The following MYO10 variants were observed in gnomAD, a reference collection of about 807,000 sequenced individuals.
MYO10 encodes the protein unconventional myosin-X.
MYO10 carries 133 observed loss-of-function variants against 257.3 expected under a neutral mutation model. The ratio of observed to expected loss-of-function variants is 0.52; its 90% CI spans 0.45 to 0.60. The LOEUF is 0.60. MYO10 is among the 20% of genes least tolerant of loss of function. The pLI is 0.00. For synonymous variants in MYO10, 1,104 were observed against 1,028.6 expected (o/e 1.07, Z -1.40); for missense variants, 2,399 against 2,635.7 (o/e 0.91, Z 1.97).
chr5:16,893,196 C>CAAACAAA (rs538239809), intron 1 of MYO10, among the ~76,000 whole-genome samples: 2 of 69,614 alleles, frequency 2.9e-5, no homozygotes, highest in Non-Finnish European at 5.3e-5. Context: ...GACTCTGTCT[C>CAAACAAA]AAAAAAAAAA....
intron 1 of MYO10, among the ~76,000 whole-genome samples, chr5:16,920,382 C>T (rs1025677511): frequency 3.9e-5 from 6 of 152,136 alleles, no homozygotes; most frequent in African/African-American, 9.7e-5. Flanking sequence ...CATGGATGGG[C>T]GGCAAAGGCA....
rs942147332 is a variant in MYO10 at position 16,728,837 on chromosome 5, A to G, written c.1930-17592T>C. ...CTGGGACGGCTGCCTGTCCATGGCA[A>G]GATGGCCACCAAAGGTGAGAATAAG... On this transcript the variant is annotated intron_variant, in intron 19 of 40. Coordinates refer to ENST00000513610, the MANE Select transcript of MYO10 (RefSeq NM_012334.3). Among the ~76,000 whole-genome samples, 5 of 152,244 alleles carry G rather than the reference A, an allele frequency of 3.3e-5. 1 individual carries two copies. Among genetic ancestry groups the G allele is most frequent in the African/African-American group, 1.2e-4 (5 of 41,460 alleles).
rs752950687 is a variant in MYO10 at position 16,683,954 on chromosome 5, TAAAC to T, written c.3991-23_3991-20del. ...AGGTGCCCTGGAAAAGAACAAAAAG[TAAAC>T]AGAATGAGAGAAGCACTAAAGTAGG... is the stretch of plus-strand genomic sequence containing the variant. On this transcript the variant is annotated intron_variant, in intron 29 of 40. Transcript: ENST00000513610. 3 of 1,611,344 alleles carry T rather than the reference TAAAC, an allele frequency of 1.9e-6. No homozygotes were observed. Among genetic ancestry groups the T allele is most frequent in the Non-Finnish European group, 2.5e-6 (3 of 1,178,570 alleles).
chr5:16,838,675 T>G (rs2126724814), intron 2 of MYO10, among the ~76,000 whole-genome samples: 1 of 152,296 alleles, frequency 6.6e-6, no homozygotes, highest in South Asian at 2.1e-4. Context: ...CAAAACAGCC[T>G]CCTACTAGAA....
intron 19 of MYO10, among the ~76,000 whole-genome samples, chr5:16,745,602 T>G (rs7712637): frequency 6.6e-6 from 1 of 151,836 alleles, no homozygotes; most frequent in Admixed American, 6.6e-5. Context: ...GGCAGGAGAT[T>G]GCTTGAGCCC....
At chr5:16,700,742 C>T (rs1738008069) in intron 25 of MYO10, among the ~76,000 whole-genome samples, 2 of 152,182 alleles carry the variant, frequency 1.3e-5, no homozygotes, top group Non-Finnish European at 2.9e-5. Context: ...CACAGCTCAG[C>T]TCTAGGCTTT....
chr5:16,829,905 ACACG>A (rs1743114963), intron 2 of MYO10, among the ~76,000 whole-genome samples: 1 of 150,446 alleles, frequency 6.6e-6, no homozygotes, highest in African/African-American at 2.5e-5. Flanking sequence ...ACACACACGC[ACACG>A]CACACGCACA....
chr5:16,702,586 T>G lies in MYO10; in HGVS notation c.2513A>C (p.Glu838Ala), dbSNP rs1738134324. 1 of 1,579,230 alleles carries G rather than the reference T, an allele frequency of 6.3e-7. No individual in the cohort carries two copies. Among genetic ancestry groups the G allele is most frequent in the Admixed American group, 1.8e-5 (1 of 54,574 alleles). ...EKKKREEEER[E>A]RERERREAEL... ...GGCTTCTCTTCGCTCTCTCTCTCTTTCTCTAAAAATAGTAAAGGAAAAGTG... is the reference window on the plus strand; with the variant it reads ...GGCTTCTCTTCGCTCTCTCTCTCTTGCTCTAAAAATAGTAAAGGAAAAGTG... Residue 838 changes from glutamate to alanine, a missense_variant and splice_region_variant, in exon 24 of 41, where the codon GAA becomes GCA. Physicochemically the swap from Glu to Ala is moderately radical, Grantham distance 107 (BLOSUM62 -1). This residue lies in a region of MYO10 where 1,820 missense variants were observed against 1,939.4 expected (regional missense o/e 0.94). Transcript: ENST00000513610.
Position 16,761,455 on chromosome 5 carries a change from C to T in MYO10, c.1739+9G>A. The T allele has an allele frequency of 1.2e-6, 2 of 1,603,480 alleles. No individual in the cohort carries two copies. Among genetic ancestry groups the T allele is most frequent in the Non-Finnish European group, 1.7e-6 (2 of 1,171,192 alleles). The stretch of plus-strand genomic sequence containing the variant: ...TGCTAAGTACTTCTCGGTGAGAAGA[C>T]TGACATACCGGCTTTCTCTTAGCAA... On this transcript the variant is annotated intron_variant, in intron 17 of 40. Transcript: ENST00000513610.
At chr5:16,903,171 C>T (rs1236115521) in intron 1 of MYO10, among the ~76,000 whole-genome samples, 1 of 152,200 alleles carries the variant, frequency 6.6e-6, no homozygotes, top group Non-Finnish European at 1.5e-5. Context: ...ACTTGGGAGG[C>T]CAAGGCGGGC....
intron 19 of MYO10, chr5:16,742,323 C>G: frequency 1.2e-6 from 1 of 822,058 alleles, no homozygotes; most frequent in Non-Finnish European, 1.5e-6. Context: ...TGGAAGTGAC[C>G]ACTGAGGGCT....
intron 1 of MYO10, among the ~76,000 whole-genome samples, chr5:16,905,678 T>C (rs996120527): frequency 2.0e-5 from 3 of 152,180 alleles, no homozygotes; most frequent in African/African-American, 7.2e-5. Flanking sequence ...TCCAAATACA[T>C]GTTGTGGCTC....
chr5:16,839,881 T>A (rs1435911676), intron 2 of MYO10, among the ~76,000 whole-genome samples: 1 of 152,222 alleles, frequency 6.6e-6, no homozygotes, highest in African/African-American at 2.4e-5. Context: ...GTGGATTAAA[T>A]GCATCTTTGA....
In MYO10 at chr5:16,748,466, A is replaced by T. The variant is rs1053473576; in HGVS notation, c.1929+6362T>A. Among the ~76,000 whole-genome samples the T allele has an allele frequency of 2.6e-5, 4 of 151,774 alleles. No homozygotes were observed. The East Asian group carries it at 7.8e-4, about 30-fold the overall frequency. ...CACCACGTTGGCCAGGCTGGTCTCG[A>T]ACTCCTGGCCTCAAGTGATCCGCGC... On this transcript the variant is annotated intron_variant, in intron 19 of 40. Transcript: ENST00000513610.
In MYO10 at chr5:16,762,616, T is replaced by C. The variant is rs370187854; in HGVS notation, c.1516A>G (p.Ile506Val). Residue 506 changes from isoleucine to valine, a missense_variant, in exon 15 of 41, where the codon ATC (isoleucine) becomes GTC (valine). Transcript: ENST00000513610. ...TGAGGAAAATGGCTTTCTTCATTGA[T>C]AAGGGCTAGGAGGCCAAGTTTCTAG... ...IEKKLGLLAL[I>V]NEESHFPQAT... The C allele has an allele frequency of 6.2e-7, 1 of 1,606,576 alleles. No individual in the cohort carries two copies. The highest frequency in any genetic ancestry group is 8.5e-7 in the Non-Finnish European group (1 of 1,176,688).
chr5:16,755,779 C>T (rs1740512153), intron 18 of MYO10, among the ~76,000 whole-genome samples: 1 of 142,124 alleles, frequency 7.0e-6, no homozygotes, highest in African/African-American at 2.6e-5. Context: ...CAAAAGCATA[C>T]AATGAGTTCT....
intron 2 of MYO10, among the ~76,000 whole-genome samples, chr5:16,871,043 C>T (rs757795375): frequency 1.3e-5 from 2 of 152,186 alleles, no homozygotes; most frequent in Non-Finnish European, 2.9e-5. Flanking sequence ...TAAAATGTTT[C>T]AGCTTAAGCA....
chr5:16,693,999 C>T (rs1737621880), intron 27 of MYO10, among the ~76,000 whole-genome samples: 1 of 152,152 alleles, frequency 6.6e-6, no homozygotes, highest in South Asian at 2.1e-4. Flanking sequence ...GCTAATTTAT[C>T]TGCTGGCAAC....
At chr5:16,717,703 G>A (rs1017421919) in intron 19 of MYO10, among the ~76,000 whole-genome samples, 1 of 150,990 alleles carries the variant, frequency 6.6e-6, no homozygotes, top group South Asian at 2.1e-4. Flanking sequence ...ATCAACCTCT[G>A]ATCACTGACA....
Sources: allele counts gnomAD v4.1 joint callset (sites outside exome capture counted in the v4.1 genomes callset), GRCh38; gene constraint gnomAD v4.1.1; regional missense constraint gnomAD v4.1.1; transcripts MANE v1.5; gene names NCBI Gene and HGNC (gene_info 2026-07-23, HGNC 2026-07-21).